The following TEK variants were observed in gnomAD, a reference collection of about 807,000 sequenced individuals.
TEK encodes TEK receptor tyrosine kinase, also known as angiopoietin-1 receptor.
Under a neutral mutation model 131.8 loss-of-function variants are expected in TEK, and 43 were observed. The observed-to-expected ratio is 0.33, with a 90% confidence interval of 0.26 to 0.42. TEK has a LOEUF of 0.42. TEK is among the 10% of genes least tolerant of loss of function. The pLI is 1.00. For missense variants in TEK, 1,162 were observed against 1,384.4 expected, an observed-to-expected ratio of 0.84 and a Z score of 2.55; for synonymous variants, 580 against 491.6, an observed-to-expected ratio of 1.18 and a Z score of -2.38.
At chr9:27,150,430 T>A (rs1462718774) in intron 1 of TEK, among the ~76,000 whole-genome samples, 1 of 152,128 alleles carries the variant, frequency 6.6e-6, no homozygotes, top group Non-Finnish European at 1.5e-5. Context: ...AACACAGTGA[T>A]ACCCCCATCT....
At chr9:27,197,734 CCCACCT>C (rs777998632) in intron 12 of TEK, 135 bp downstream of exon 12, 4 of 1,063,516 alleles carry the variant, frequency 3.8e-6, no homozygotes, top group Non-Finnish European at 5.7e-6. Flanking sequence ...ATTAGTGCCC[CCCACCT>C]AATCATTTTA....
At chr9:27,133,018 A>C (rs16911047) in intron 1 of TEK, among the ~76,000 whole-genome samples, 15,117 of 152,276 alleles carry the variant, frequency 0.099, 886 homozygotes, top group African/African-American at 0.15. Context: ...AACAGTTTCA[A>C]CCATAGGATC....
chr9:27,183,223 C>G (rs1048387492), intron 7 of TEK, among the ~76,000 whole-genome samples: 1 of 152,198 alleles, frequency 6.6e-6, no homozygotes, highest in African/African-American at 2.4e-5. Flanking sequence ...AGCGTGGACT[C>G]TGGATTTATA....
intron 21 of TEK, among the ~76,000 whole-genome samples, chr9:27,227,845 T>G (rs548818749): frequency 1.3e-5 from 2 of 152,338 alleles, no homozygotes; most frequent in South Asian, 4.1e-4. Context: ...AGGGACTTTA[T>G]GTGGGTGGCA....
chr9:27,206,853 T>A, intron 15 of TEK, 61 bp downstream of exon 15: 1 of 1,560,926 alleles, frequency 6.4e-7, no homozygotes, highest in Non-Finnish European at 8.7e-7. Flanking sequence ...CTTGATTTCC[T>A]GCTCATTCTT....
chr9:27,175,816 C>G (rs555175318), intron 6 of TEK, among the ~76,000 whole-genome samples: 3 of 152,224 alleles, frequency 2.0e-5, no homozygotes, highest in East Asian at 1.9e-4. Context: ...ATATCCTTTG[C>G]CCACTTTTTG....
At chr9:27,179,298 T>C (rs768539543) in intron 6 of TEK, among the ~76,000 whole-genome samples, 51 of 152,322 alleles carry the variant, frequency 3.3e-4, no homozygotes, top group Non-Finnish European at 6.0e-4. Flanking sequence ...TCCTTTTGCT[T>C]TTTAAAAATA....
intron 1 of TEK, among the ~76,000 whole-genome samples, chr9:27,146,720 ATTTT>A (rs34727945): frequency 1.8e-5 from 2 of 113,682 alleles, no homozygotes; most frequent in South Asian, 2.9e-4. Context: ...TAAACATTCT[ATTTT>A]TTTTTTTTTT....
intron 21 of TEK, among the ~76,000 whole-genome samples, chr9:27,222,090 C>T (rs1007995370): frequency 6.6e-6 from 1 of 152,122 alleles, no homozygotes; most frequent in African/African-American, 2.4e-5. Flanking sequence ...CTTCTAGAAG[C>T]ATACACAAGT....
chr9:27,191,301 T>C (rs1824814047), intron 10 of TEK, among the ~76,000 whole-genome samples: 1 of 152,084 alleles, frequency 6.6e-6, no homozygotes, highest in Non-Finnish European at 1.5e-5. Flanking sequence ...AAAAAAATAA[T>C]TGAACAAAAT....
chr9:27,224,789 T>A (rs1434547445), intron 21 of TEK, among the ~76,000 whole-genome samples: 1 of 152,166 alleles, frequency 6.6e-6, no homozygotes, highest in African/African-American at 2.4e-5. Context: ...AGAAAGGGCA[T>A]TCAAATAGGA....
chr9:27,188,736 C>T (rs918209191), intron 9 of TEK, among the ~76,000 whole-genome samples: 1 of 152,180 alleles, frequency 6.6e-6, no homozygotes, highest in African/African-American at 2.4e-5. Context: ...TATTATGTTT[C>T]AGCCCCTGTT....
At chr9:27,171,529 G>A (rs962957881) in intron 4 of TEK, among the ~76,000 whole-genome samples, 1 of 152,162 alleles carries the variant, frequency 6.6e-6, no homozygotes, top group East Asian at 1.9e-4. Context: ...TGAGAAGTGT[G>A]GTTCCTCTAG....
intron 1 of TEK, among the ~76,000 whole-genome samples, chr9:27,126,604 C>G (rs1289117926): frequency 6.6e-6 from 1 of 152,122 alleles, no homozygotes; most frequent in Admixed American, 6.5e-5. Context: ...AGTCAGACTG[C>G]AATAAAGTTT....
At chr9:27,177,909 A>G (rs1171075351) in intron 6 of TEK, among the ~76,000 whole-genome samples, 6 of 152,112 alleles carry the variant, frequency 3.9e-5, no homozygotes, top group Non-Finnish European at 8.8e-5. Flanking sequence ...CTTGTTCCAT[A>G]CATTGTTTCT....
intron 1 of TEK, among the ~76,000 whole-genome samples, chr9:27,127,208 T>A (rs78341589): frequency 2.0e-5 from 3 of 152,310 alleles, no homozygotes; most frequent in Admixed American, 6.5e-5. Flanking sequence ...AGCTCCCGTT[T>A]ATGAGTGAGA....
At chr9:27,219,990 A>C in intron 20 of TEK, 59 bp from the exon 21 acceptor site, 1 of 1,557,556 alleles carries the variant, frequency 6.4e-7, no homozygotes, top group Non-Finnish European at 8.9e-7. Context: ...GAAACCCTGG[A>C]CAGGAAGCAT....
In TEK at chr9:27,190,688, A is replaced by G. The variant is rs1205194428; in HGVS notation, c.1487A>G (p.Gln496Arg). The G allele has an allele frequency of 6.2e-7, 1 of 1,613,896 alleles. No homozygotes were observed. Among genetic ancestry groups the G allele is most frequent in the African/African-American group, 1.3e-5 (1 of 75,022 alleles). ...VNHYEAWQHI[Q>R]VTNEIVTLNY... ...CACTATGAGGCTTGGCAACATATTC[A>G]AGGTAAGCTTTGGACAGGATAGATG... Residue 496 changes from glutamine to arginine, a missense_variant and splice_region_variant, in exon 10 of 23, where the codon CAA becomes CGA. Around this residue, in one of 6 missense-constraint regions of TEK, gnomAD observed 477 missense variants for 471.0 expected, o/e 1.01. Coordinates refer to ENST00000380036, the MANE Select transcript of TEK (RefSeq NM_000459.5).
At position 27,109,457 on chromosome 9, in the gene TEK, C is replaced by A. The variant is rs1297707398; in HGVS notation, c.-134C>A. The stretch of plus-strand genomic sequence containing the variant: ...GTTACAGCCTGCTTCTGTGCTGTTC[C>A]TTCTTGCCTCTAACTTGTAAACAAG... On this transcript the variant is annotated 5_prime_UTR_variant, in exon 1 of 23. Coordinates refer to ENST00000380036, the MANE Select transcript of TEK (RefSeq NM_000459.5). 7.8e-6 allele frequency: 7 copies of A among 893,522 alleles called. No individual in the cohort carries two copies. Among genetic ancestry groups the A allele is most frequent in the Non-Finnish European group, 1.3e-5 (7 of 527,458 alleles). The allele number at this position is 893,522 out of a possible 1,614,324, so 55.3% of individuals were successfully genotyped here.
Sources: gnomAD v4.1 joint callset for allele counts (sites outside exome capture counted in the v4.1 genomes callset) on GRCh38, gnomAD v4.1.1 for gene constraint, gnomAD v4.1.1 regional missense constraint, MANE v1.5 for transcripts, NCBI Gene and HGNC (gene_info 2026-07-23, HGNC 2026-07-21) for gene names.